AKAP19: variants seen among roughly 807,000 people sequenced by gnomAD.
AKAP19 encodes the protein small A-kinase anchoring protein.
the AKAP19 span, among the ~76,000 whole-genome samples, chr2:190,153,553 T>C: frequency 6.6e-6 from 1 of 152,072 alleles, no homozygotes; most frequent in African/African-American, 2.4e-5. Flanking sequence ...ATATGTATAA[T>C]AGTATAATGT....
the AKAP19 span, chr2:190,060,419 T>C: frequency 1.7e-5 from 28 of 1,609,982 alleles, no homozygotes; most frequent in Non-Finnish European, 2.4e-5. Context: ...TTCCATCCAC[T>C]TGCATTAGAA....
chr2:190,018,797 C>T, the AKAP19 span, among the ~76,000 whole-genome samples: 2 of 152,266 alleles, frequency 1.3e-5, no homozygotes, highest in Admixed American at 6.5e-5. Context: ...AGAAATAGAC[C>T]TTCACTGTTT....
At chr2:190,158,159 A>G in the AKAP19 span, among the ~76,000 whole-genome samples, 4 of 152,164 alleles carry the variant, frequency 2.6e-5, no homozygotes, top group African/African-American at 7.2e-5. Flanking sequence ...CGACCCTTTC[A>G]TGTAAAATCT....
the AKAP19 span, among the ~76,000 whole-genome samples, chr2:190,146,188 G>T: frequency 2.6e-5 from 4 of 151,922 alleles, no homozygotes; most frequent in Admixed American, 2.6e-4. Context: ...AAAGTCCATT[G>T]TATCATTCTT....
chr2:190,059,207 G>A, the AKAP19 span, among the ~76,000 whole-genome samples: 1 of 151,912 alleles, frequency 6.6e-6, no homozygotes, highest in East Asian at 1.9e-4. Flanking sequence ...ATAGATGAAC[G>A]TAAAAAGATG....
chr2:189,880,477 G>A, the AKAP19 span, among the ~76,000 whole-genome samples: 32 of 152,290 alleles, frequency 2.1e-4, no homozygotes, highest in African/African-American at 7.7e-4. Flanking sequence ...AATGGTGAAA[G>A]GCAGGCTGGA....
chr2:190,105,820 A>T, the AKAP19 span, among the ~76,000 whole-genome samples: 1 of 152,114 alleles, frequency 6.6e-6, no homozygotes, highest in Non-Finnish European at 1.5e-5. Flanking sequence ...ATCACACTGT[A>T]TTGGGGTTTG....
At chr2:189,935,497 C>T in the AKAP19 span, among the ~76,000 whole-genome samples, 1 of 152,006 alleles carries the variant, frequency 6.6e-6, no homozygotes, top group East Asian at 1.9e-4. Flanking sequence ...GTATGAAACT[C>T]GTTTTCTAAA....
the AKAP19 span, among the ~76,000 whole-genome samples, chr2:189,906,008 C>T: frequency 6.6e-6 from 1 of 152,032 alleles, no homozygotes; most frequent in African/African-American, 2.4e-5. Context: ...GTAGACTTTG[C>T]ATTTTACCTA....
chr2:190,010,129 A>C, the AKAP19 span, among the ~76,000 whole-genome samples: 1 of 152,344 alleles, frequency 6.6e-6, no homozygotes, highest in East Asian at 1.9e-4. Context: ...CAAAAATGAC[A>C]AGATAGGAAA....
the AKAP19 span, among the ~76,000 whole-genome samples, chr2:189,923,049 G>A: frequency 4.6e-5 from 7 of 152,178 alleles, no homozygotes; most frequent in South Asian, 2.1e-4. Context: ...TACTCAGGAG[G>A]CTGAGGCAGG....
the AKAP19 span, among the ~76,000 whole-genome samples, chr2:190,019,398 G>A: frequency 6.6e-6 from 1 of 152,110 alleles, no homozygotes; most frequent in East Asian, 1.9e-4. Context: ...TGGGGCCTTT[G>A]GGTAGGGTCA....
the AKAP19 span, among the ~76,000 whole-genome samples, chr2:190,196,566 T>C: frequency 1.3e-5 from 2 of 151,430 alleles, no homozygotes; most frequent in East Asian, 3.9e-4. Flanking sequence ...TTTTCCTGCC[T>C]CTTTGTATGG....
At chr2:190,062,498 C>T in the AKAP19 span, 1 of 1,613,498 alleles carries the variant, frequency 6.2e-7, no homozygotes, top group Non-Finnish European at 8.5e-7. Context: ...CCTCTTTTTC[C>T]ACATTTTCTT....
chr2:190,134,711 A>C, the AKAP19 span, among the ~76,000 whole-genome samples: 1 of 151,930 alleles, frequency 6.6e-6, no homozygotes, highest in Admixed American at 6.6e-5. Flanking sequence ...GTTAACTTTA[A>C]ATGTGTGTGT....
the AKAP19 span, among the ~76,000 whole-genome samples, chr2:190,046,937 A>G: frequency 1.3e-5 from 2 of 152,236 alleles, no homozygotes; most frequent in Non-Finnish European, 2.9e-5. Flanking sequence ...AGTGATATAT[A>G]GGCTTCACCA....
chr2:190,035,142 T>C, the AKAP19 span, among the ~76,000 whole-genome samples: 39 of 151,918 alleles, frequency 2.6e-4, no homozygotes, highest in Admixed American at 1.3e-3. Context: ...TGTATATGTG[T>C]TCAAGATTGT....
chr2:190,133,667 G>T, the AKAP19 span, among the ~76,000 whole-genome samples: 1 of 152,124 alleles, frequency 6.6e-6, no homozygotes, highest in Non-Finnish European at 1.5e-5. Context: ...CCTTAAAAAA[G>T]GGAGTCTTGC....
the AKAP19 span, among the ~76,000 whole-genome samples, chr2:190,058,298 C>A: frequency 6.6e-6 from 1 of 151,968 alleles, no homozygotes; most frequent in African/African-American, 2.4e-5. Context: ...ATGAAAAAAT[C>A]TGAGGAACAC....
Sources: gnomAD v4.1 joint callset for allele counts (sites outside exome capture counted in the v4.1 genomes callset) on GRCh38, gnomAD v4.1.1 for gene constraint, MANE v1.5 for transcripts, NCBI Gene and HGNC (gene_info 2026-07-23, HGNC 2026-07-21) for gene names.